EML4: variants seen among roughly 807,000 people sequenced by gnomAD.
EML4 encodes EMAP like 4.
In EML4, 72 loss-of-function variants were observed where a neutral mutation model predicts 129.0. The observed-to-expected ratio is 0.56, with a 90% CI of 0.46 to 0.68. The LOEUF (loss-of-function observed/expected upper bound fraction) is 0.68. Ranked by LOEUF, EML4 falls within the 30% of genes least tolerant of loss-of-function variation. EML4 has a pLI of 0.00. For synonymous variants in EML4, 532 were observed against 405.0 expected (o/e 1.31, Z -3.77); for missense variants, 1,363 against 1,190.6 (o/e 1.14, Z -2.13).
At chr2:42,314,950 A>C (rs1406404336) in intron 17 of EML4, among the ~76,000 whole-genome samples, 1 of 152,208 alleles carries the variant, frequency 6.6e-6, no homozygotes. Context: ...TTACATTTTG[A>C]CTTTTCCTAT....
chr2:42,193,411 G>C (rs947595433), intron 1 of EML4, among the ~76,000 whole-genome samples: 1 of 147,974 alleles, frequency 6.8e-6, no homozygotes, highest in African/African-American at 2.5e-5. Context: ...TTAGATGAAC[G>C]ATAAAAAGAG....
At chr2:42,186,462 C>G (rs767575264) in intron 1 of EML4, among the ~76,000 whole-genome samples, 1 of 152,178 alleles carries the variant, frequency 6.6e-6, no homozygotes, top group African/African-American at 2.4e-5. Flanking sequence ...AAGACACATT[C>G]CTAAGAAATG....
chr2:42,184,778 T>C (rs939131989), intron 1 of EML4, among the ~76,000 whole-genome samples: 1 of 152,224 alleles, frequency 6.6e-6, no homozygotes, highest in African/African-American at 2.4e-5. Flanking sequence ...ATCAATCATA[T>C]ATTTGCCTTA....
At chr2:42,211,913 T>C (rs111685370) in intron 1 of EML4, among the ~76,000 whole-genome samples, 23,838 of 152,066 alleles carry the variant, frequency 0.16, 2,015 homozygotes, top group South Asian at 0.24. Context: ...GGCGCAATTT[T>C]GGCTCACTGC....
chr2:42,314,753 A>G (rs549815196), intron 17 of EML4, among the ~76,000 whole-genome samples: 2 of 152,226 alleles, frequency 1.3e-5, no homozygotes, highest in Non-Finnish European at 2.9e-5. Context: ...GCATGCTGCC[A>G]TCCTCTCTCT....
At chr2:42,278,844 G>T (rs1237391444) in intron 6 of EML4, among the ~76,000 whole-genome samples, 1 of 152,010 alleles carries the variant, frequency 6.6e-6, no homozygotes, top group Non-Finnish European at 1.5e-5. Context: ...GCTGAGGCAG[G>T]AGAATCACTT....
chr2:42,178,111 A>ACAG (rs1406164445), intron 1 of EML4, among the ~76,000 whole-genome samples: 1 of 152,172 alleles, frequency 6.6e-6, no homozygotes, highest in Non-Finnish European at 1.5e-5. Context: ...AATATGTTTA[A>ACAG]CAGCAGCAGC....
At chr2:42,184,475 A>G (rs907042862) in intron 1 of EML4, among the ~76,000 whole-genome samples, 1 of 146,910 alleles carries the variant, frequency 6.8e-6, no homozygotes, top group African/African-American at 2.5e-5. Context: ...TTTCTATGAG[A>G]TAAACTCTAG....
At chr2:42,185,339 G>A (rs967222971) in intron 1 of EML4, among the ~76,000 whole-genome samples, 2 of 152,162 alleles carry the variant, frequency 1.3e-5, no homozygotes, top group African/African-American at 4.8e-5. Context: ...GAACACAGCC[G>A]TACTCATTGA....
intron 1 of EML4, among the ~76,000 whole-genome samples, chr2:42,186,169 T>C (rs1443356251): frequency 1.3e-5 from 2 of 152,164 alleles, no homozygotes; most frequent in Non-Finnish European, 2.9e-5. Context: ...ATTGAATCAG[T>C]TTTCCTATTT....
intron 1 of EML4, among the ~76,000 whole-genome samples, chr2:42,191,710 G>A (rs899307336): frequency 1.3e-5 from 2 of 152,160 alleles, no homozygotes; most frequent in Non-Finnish European, 2.9e-5. Flanking sequence ...ATTATGCTCA[G>A]TTCTCTTTGC....
intron 3 of EML4, among the ~76,000 whole-genome samples, chr2:42,257,247 A>C (rs1292361173): frequency 1.3e-5 from 2 of 152,126 alleles, no homozygotes; most frequent in Non-Finnish European, 2.9e-5. Flanking sequence ...ACTCCAATAA[A>C]AGTGCTCACA....
At chr2:42,230,406 T>G (rs1297624352) in intron 1 of EML4, among the ~76,000 whole-genome samples, 1 of 152,132 alleles carries the variant, frequency 6.6e-6, no homozygotes, top group Non-Finnish European at 1.5e-5. Flanking sequence ...TATTTTTTAT[T>G]TTATTTATTT....
chr2:42,211,215 G>A (rs1158694839), intron 1 of EML4, among the ~76,000 whole-genome samples: 1 of 152,134 alleles, frequency 6.6e-6, no homozygotes, highest in East Asian at 1.9e-4. Flanking sequence ...GTTGGACTTT[G>A]TTAAGTCTGT....
At chr2:42,212,453 A>G (rs1310072246) in intron 1 of EML4, among the ~76,000 whole-genome samples, 1 of 152,154 alleles carries the variant, frequency 6.6e-6, no homozygotes, top group Non-Finnish European at 1.5e-5. Flanking sequence ...CAGGAAATAC[A>G]TTAAAAGCAA....
Position 42,280,966 on chromosome 2 carries a change from G to C in EML4, c.784G>C (p.Glu262Gln), listed in dbSNP as rs1278256398. 1 of 1,602,580 alleles carries C rather than the reference G, an allele frequency of 6.2e-7. No individual in the cohort carries two copies. Among genetic ancestry groups the C allele is most frequent in the Non-Finnish European group, 8.5e-7 (1 of 1,175,934 alleles). ...TELPPEKLKL[E>Q]WAYGYRGKDC... Reference sequence around the variant, plus strand: ...ACTGCCTCCTGAGAAGCTCAAACTGGAGTGGGCGTATCCTTCTCTACCATG... The same window carrying C: ...ACTGCCTCCTGAGAAGCTCAAACTGCAGTGGGCGTATCCTTCTCTACCATG... The change falls in exon 7 of 23, where the codon GAG (glutamate) becomes CAG (glutamine). Residue 262 changes from glutamate (E) to glutamine (Q), a missense_variant. Coordinates refer to ENST00000318522, the MANE Select transcript of EML4 (RefSeq NM_019063.5).
rs192777011 is a variant in EML4, at chr2:42,211,569, A to G, written c.26-33936A>G. On this transcript the variant is annotated intron_variant, in intron 1 of 22. Transcript: ENST00000318522. ...CAAGTGTGATATGCCTAAAGTGGTCATTTCTAATTATGAAAGGACTTGGAT... is the reference window on the plus strand; with the variant it reads ...CAAGTGTGATATGCCTAAAGTGGTCGTTTCTAATTATGAAAGGACTTGGAT... Among the ~76,000 whole-genome samples the G allele has an allele frequency of 9.2e-5, 14 of 152,332 alleles. No individual in the cohort carries two copies. The East Asian group carries it at 1.9e-3, about 21-fold the overall frequency.
chr2:42,220,900 A>T (rs1051273577), intron 1 of EML4, among the ~76,000 whole-genome samples: 3 of 152,180 alleles, frequency 2.0e-5, no homozygotes. Context: ...CCTTAAGCCA[A>T]AGCCTAATCC....
At chr2:42,266,046 T>C (rs2104405130) in intron 6 of EML4, among the ~76,000 whole-genome samples, 1 of 152,368 alleles carries the variant, frequency 6.6e-6, no homozygotes, top group African/African-American at 2.4e-5. Flanking sequence ...GTTAGCCTTA[T>C]TTTCTGTTCT....
Sources: allele counts gnomAD v4.1 joint callset (sites outside exome capture counted in the v4.1 genomes callset), GRCh38; gene constraint gnomAD v4.1.1; transcripts MANE v1.5; gene names NCBI Gene and HGNC (gene_info 2026-07-23, HGNC 2026-07-21).